The following THBS4 variants were observed in gnomAD, a reference collection of about 807,000 sequenced individuals.
The protein encoded by THBS4 is thrombospondin 4, also known as thrombospondin-4.
THBS4 carries 90 observed loss-of-function variants against 115.7 expected under a neutral mutation model. The ratio of observed to expected loss-of-function variants is 0.78; its 90% CI spans 0.66 to 0.93. The LOEUF is 0.93. Among genes scored for constraint, THBS4 ranks in the 40% least tolerant of loss-of-function variants. The pLI, the probability that THBS4 is intolerant of heterozygous loss-of-function variation, is 0.00. For synonymous variants in THBS4, 460 were observed against 479.3 expected, an observed-to-expected ratio of 0.96 and a Z score of 0.53; for missense variants, 1,087 against 1,232.7, an observed-to-expected ratio of 0.88 and a Z score of 1.77.
chr5:80,058,361 A>G (rs2241826), intron 4 of THBS4, 47 bp downstream of exon 4: 439,494 of 1,393,678 alleles, frequency 0.32, 70,061 homozygotes, highest in Non-Finnish European at 0.33. Flanking sequence ...CACAAACTCC[A>G]AAGACCCTGA....
chr5:80,059,668 G>A lies in THBS4; in HGVS notation c.785-35G>A, dbSNP rs375920203. 33 of 1,608,978 alleles carry A rather than the reference G, an allele frequency of 2.1e-5. 1 individual carries two copies. The Middle Eastern group carries it at 2.3e-3, about 113-fold the overall frequency. On this transcript the variant is annotated intron_variant, in intron 6 of 21. Coordinates refer to ENST00000350881, the MANE Select transcript of THBS4 (RefSeq NM_003248.6). ...TTTGCCTTCTGTATATCTTCCTGGCGGTGAATACGCCTGTGGATGATTGTT... is the reference window on the plus strand; with the variant it reads ...TTTGCCTTCTGTATATCTTCCTGGCAGTGAATACGCCTGTGGATGATTGTT...
In THBS4 at chr5:80,068,595, G is replaced by A. The variant is rs143556224; in HGVS notation, c.1347+470G>A. On this transcript the variant is annotated intron_variant, in intron 10 of 21. Transcript: ENST00000350881. ...ACGCTCCTGTTGGGGGTGGGCCATC[G>A]TGTAGAGGTGGGGACTGTCATAGTC... The A allele has an allele frequency of 4.0e-3, 687 of 169,940 alleles. 9 individuals are homozygous for A. Among genetic ancestry groups the A allele is most frequent in the African/African-American group, 0.016 (659 of 41,868 alleles). The allele number at this position is 169,940 out of a possible 1,614,324, so 10.5% of individuals were successfully genotyped here. A position where few individuals can be genotyped will look rare whatever the true frequency, so the allele number is the denominator to read the frequency against.
chr5:80,058,593 T>G (rs1833511236), intron 4 of THBS4, 115 bp from the exon 5 acceptor site: 2 of 900,794 alleles, frequency 2.2e-6, no homozygotes, highest in Admixed American at 4.2e-5. Flanking sequence ...ATTCAAAGAT[T>G]CTGGGTTTTT....
rs367674058 is a variant in THBS4, at chr5:80,078,059, G to A, written c.2097G>A (p.Val699=). The change falls in exon 17 of 22, where the codon GTG becomes GTA. Residue 699 remains valine, a synonymous_variant. Coordinates refer to ENST00000350881, the MANE Select transcript of THBS4 (RefSeq NM_003248.6). ...PAQEDSNSDG[V]GDICESDFDQ... ...CTCCACCCCACTCAGGCGACGGAGTGGGAGACATCTGTGAGTCTGACTTTG... is the reference window on the plus strand; with the variant it reads ...CTCCACCCCACTCAGGCGACGGAGTAGGAGACATCTGTGAGTCTGACTTTG... 2.0e-5 allele frequency: 32 copies of A among 1,587,642 alleles called. No individual in the cohort carries two copies. The highest frequency in any genetic ancestry group is 3.4e-5 in the South Asian group (3 of 87,888).
chr5:80,034,058 T>C (rs775398693), upstream of THBS4, among the ~76,000 whole-genome samples: 2 of 152,178 alleles, frequency 1.3e-5, no homozygotes, highest in African/African-American at 2.4e-5. Context: ...CCTGGGAACA[T>C]GGTCTGGAGA....
intron 2 of THBS4, among the ~76,000 whole-genome samples, chr5:80,005,496 A>G (rs1831996563): frequency 6.6e-6 from 1 of 152,210 alleles, no homozygotes; most frequent in Non-Finnish European, 1.5e-5. Flanking sequence ...CCCAAACCAC[A>G]AAGCATCTTA....
intron 2 of THBS4, among the ~76,000 whole-genome samples, chr5:80,045,861 T>G (rs1055848113): frequency 9.2e-5 from 14 of 152,184 alleles, no homozygotes; most frequent in African/African-American, 2.9e-4. Flanking sequence ...ACCAGGACTG[T>G]GTTAAAAGCT....
intron 2 of THBS4, chr5:80,019,508 A>T (rs1832318427): frequency 6.6e-6 from 1 of 152,250 alleles, no homozygotes; most frequent in East Asian, 1.9e-4. Context: ...TATACAAGAG[A>T]TGTCCTTCAT....
At chr5:80,024,396 T>C (rs1832435431) in intron 2 of THBS4, among the ~76,000 whole-genome samples, 1 of 152,226 alleles carries the variant, frequency 6.6e-6, no homozygotes, top group African/African-American at 2.4e-5. Context: ...AGCCCAATGC[T>C]GTTCATTGAG....
At position 80,040,141 on chromosome 5, in the gene THBS4, A is replaced by G; in HGVS notation, c.153A>G (p.Thr51=). Residue 51 remains threonine (T), a synonymous_variant, in exon 2 of 22, where the codon ACA becomes ACG. Transcript: ENST00000350881. ...CAGGCGCTCTGCTGCCAGTCCTGAC[A>G]GACCCCGCCCTGAATGATCTCTATG... ...LNPGALLPVL[T]DPALNDLYVI... The G allele has an allele frequency of 6.2e-7, 1 of 1,614,156 alleles. No individual in the cohort carries two copies. Among genetic ancestry groups the G allele is most frequent in the South Asian group, 1.1e-5 (1 of 91,080 alleles).
rs745758223 is a variant in THBS4 at position 80,040,142 on chromosome 5, G to C, written c.154G>C (p.Asp52His). 1 of 1,614,110 alleles carries C rather than the reference G, an allele frequency of 6.2e-7. No individual in the cohort carries two copies. The highest frequency in any genetic ancestry group is 1.7e-5 in the Admixed American group (1 of 60,010). Residue 52 changes from aspartate to histidine, a missense_variant, in exon 2 of 22, where the codon GAC becomes CAC. Asp to His is a moderately conservative substitution (Grantham distance 81). Coordinates refer to ENST00000350881, the MANE Select transcript of THBS4 (RefSeq NM_003248.6). ...AGGCGCTCTGCTGCCAGTCCTGACA[G>C]ACCCCGCCCTGAATGATCTCTATGT... is the stretch of plus-strand genomic sequence containing the variant. ...NPGALLPVLT[D>H]PALNDLYVIS... is the part of the protein sequence containing the mutation.
intron 8 of THBS4, among the ~76,000 whole-genome samples, chr5:80,063,365 T>C (rs1833705399): frequency 6.6e-6 from 1 of 152,206 alleles, no homozygotes; most frequent in African/African-American, 2.4e-5. Flanking sequence ...TTGCCCACTT[T>C]TTGATGGGGT....
At chr5:80,082,573 CA>C (rs759107761) in intron 21 of THBS4, 28 bp downstream of exon 21, 2 of 1,612,012 alleles carry the variant, frequency 1.2e-6, no homozygotes, top group South Asian at 2.2e-5. Context: ...TACTGTTCAA[CA>C]TTGTTACTAG....
At chr5:80,007,923 T>C (rs1832049722) in intron 2 of THBS4, among the ~76,000 whole-genome samples, 1 of 152,170 alleles carries the variant, frequency 6.6e-6, no homozygotes, top group African/African-American at 2.4e-5. Flanking sequence ...ATTAAGGCAA[T>C]AGATGCTCCT....
chr5:80,074,795 T>C (rs1331071355), intron 15 of THBS4, among the ~76,000 whole-genome samples: 1 of 152,120 alleles, frequency 6.6e-6, no homozygotes, highest in Non-Finnish European at 1.5e-5. Flanking sequence ...GTATTTTTAG[T>C]AGAGACAGAG....
intron 2 of THBS4, among the ~76,000 whole-genome samples, chr5:80,017,193 A>C (rs1285462755): frequency 1.3e-5 from 2 of 152,200 alleles, no homozygotes; most frequent in African/African-American, 4.8e-5. Context: ...CATACATGAA[A>C]TTATAATAGG....
intron 2 of THBS4, among the ~76,000 whole-genome samples, chr5:80,046,056 A>G (rs1271464836): frequency 1.3e-5 from 2 of 152,226 alleles, no homozygotes; most frequent in Non-Finnish European, 2.9e-5. Context: ...ACATAAGATA[A>G]TAAAATGGAT....
intron 2 of THBS4, among the ~76,000 whole-genome samples, chr5:80,023,997 C>T (rs747925713): frequency 3.9e-5 from 6 of 152,124 alleles, no homozygotes; most frequent in African/African-American, 1.2e-4. Flanking sequence ...CCCACACCAC[C>T]GCAAAGGGGA....
intron 2 of THBS4, among the ~76,000 whole-genome samples, chr5:80,045,150 G>T (rs1833021302): frequency 6.6e-6 from 1 of 152,218 alleles, no homozygotes; most frequent in Non-Finnish European, 1.5e-5. Context: ...ATTAGAGACA[G>T]ATTTCCACTA....
Sources: allele counts gnomAD v4.1 joint callset (sites outside exome capture counted in the v4.1 genomes callset), GRCh38; gene constraint gnomAD v4.1.1; transcripts MANE v1.5; gene names NCBI Gene and HGNC (gene_info 2026-07-23, HGNC 2026-07-21).